JUND: variants seen among roughly 807,000 people sequenced by gnomAD.
JUND encodes the protein transcription factor JunD.
A neutral mutation model predicts 7.1 loss-of-function variants in JUND; 2 were observed. The ratio of observed to expected loss-of-function variants is 0.28; its 90% CI spans 0.11 to 0.88. JUND has a LOEUF of 0.88. Ranked by LOEUF, JUND falls within the 40% of genes least tolerant of loss-of-function variation. JUND has a pLI of 0.60. For synonymous variants in JUND, 335 were observed against 263.2 expected (o/e 1.27, Z -2.64); for missense variants, 479 against 519.1 (o/e 0.92, Z 0.75).
At position 18,279,919 on chromosome 19, in the gene JUND, A is replaced by G. The variant is rs1969901014; in HGVS notation, c.*522T>C. ...GGAGCGAGATCGAGGAAAGGGGCGG[A>G]GAATTTTTTTTTCTTCTTCCCATTT... is the stretch of plus-strand genomic sequence containing the variant. On this transcript the variant is annotated 3_prime_UTR_variant, in exon 1 of 1. Coordinates refer to ENST00000252818, the MANE Select transcript of JUND (RefSeq NM_005354.6). 1 of 154,958 alleles carries G rather than the reference A, an allele frequency of 6.5e-6. No individual in the cohort carries two copies. The highest frequency in any genetic ancestry group is 1.7e-4 in the South Asian group (1 of 5,808). The allele number at this position is 154,958 out of a possible 1,614,324, so 9.6% of individuals were successfully genotyped here.
In JUND at chr19:18,280,718, G is replaced by C; in HGVS notation, c.767C>G (p.Pro256Arg). 6.2e-7 allele frequency: 1 copy of C among 1,610,784 alleles called. No homozygotes were observed. Among genetic ancestry groups the C allele is most frequent in the Non-Finnish European group, 8.5e-7 (1 of 1,179,598 alleles). Residue 256 changes from proline to arginine, a missense_variant, in exon 1 of 1, where the codon CCG becomes CGG. Transcript: ENST00000252818. The surrounding 1 kb of genome is among the most constrained non-coding windows in gnomAD (Gnocchi z 4.1). ...VPDVPSFGES[P>R]PLSPIDMDTQ... is the part of the protein sequence containing the mutation. ...GTCCATGTCGATGGGCGACAACGGCGGGCTCTCGCCGAAGCTCGGCACGTC... is the reference window on the plus strand; with the variant it reads ...GTCCATGTCGATGGGCGACAACGGCCGGCTCTCGCCGAAGCTCGGCACGTC...
Position 18,280,850 on chromosome 19 carries a change from G to A in JUND, c.635C>T (p.Thr212Met). The A allele has an allele frequency of 7.5e-7, 1 of 1,339,826 alleles. No individual in the cohort carries two copies. The highest frequency in any genetic ancestry group is 9.5e-7 in the Non-Finnish European group (1 of 1,056,720). The allele number at this position is 1,339,826 out of a possible 1,614,324, so 83.0% of individuals were successfully genotyped here. A position where few individuals can be genotyped will look rare whatever the true frequency, so the allele number is the denominator to read the frequency against. Residue 212 changes from threonine (T) to methionine (M), a missense_variant, in exon 1 of 1, where the codon ACG (threonine) becomes ATG (methionine). Around this residue, in one of 3 missense-constraint regions of JUND, gnomAD observed 374 missense variants for 365.4 expected, o/e 1.02. Transcript: ENST00000252818. The surrounding 1 kb of genome is among the most constrained non-coding windows in gnomAD (Gnocchi z 4.1). ...GGAGGAGGAA[T>M]VAFAAEPVPF... ...CACAGGTTCGGCAGCGAAGGCGACC[G>A]TCGCGGCGCCCCCCGCGCCCCCGGC...
chr19:18,281,049 C>T lies in JUND; in HGVS notation c.436G>A (p.Asp146Asn), dbSNP rs751981092. The T allele has an allele frequency of 1.2e-5, 19 of 1,529,926 alleles. No homozygotes were observed. Among genetic ancestry groups the T allele is most frequent in the Admixed American group, 7.7e-5 (4 of 52,108 alleles). The allele number at this position is 1,529,926 out of a possible 1,614,324, so 94.8% of individuals were successfully genotyped here. ...FAEGFVKALE[D>N]LHKQNQLGAG... ...CCGAGCTGGTTCTGCTTGTGTAAATCCTCCAGGGCCTTGACGAAGCCCTCG... is the reference window on the plus strand; with the variant it reads ...CCGAGCTGGTTCTGCTTGTGTAAATTCTCCAGGGCCTTGACGAAGCCCTCG... Residue 146 changes from aspartate (D) to asparagine (N), a missense_variant, in exon 1 of 1, where the codon GAT becomes AAT. By Grantham distance (23) the Asp-to-Asn change is conservative. Around this residue, in one of 3 missense-constraint regions of JUND, gnomAD observed 374 missense variants for 365.4 expected, o/e 1.02. Transcript: ENST00000252818.
chr19:18,281,125 GCTC>G lies in JUND; in HGVS notation c.357_359del (p.Ser121del). The G allele has an allele frequency of 3.2e-6, 5 of 1,579,356 alleles. No individual in the cohort carries two copies. The highest frequency in any genetic ancestry group is 4.3e-6 in the Non-Finnish European group (5 of 1,168,640). ...CCACCTTGGGGTAGAGGAACTGTGA[GCTC>G]GTCGGCGTGGTGGTGACCAGCCCGT... On this transcript the variant is annotated inframe_deletion, in exon 1 of 1. Coordinates refer to ENST00000252818, the MANE Select transcript of JUND (RefSeq NM_005354.6).
Position 18,281,306 on chromosome 19 carries a change from G to A in JUND, c.179C>T (p.Ala60Val). The A allele has an allele frequency of 7.2e-7, 1 of 1,380,062 alleles. No homozygotes were observed. Among genetic ancestry groups the A allele is most frequent in the Non-Finnish European group, 9.3e-7 (1 of 1,076,802 alleles). 85.5% of individuals were successfully genotyped at this position (1,380,062 alleles called of 1,614,324 possible). A position where few individuals can be genotyped will look rare whatever the true frequency, so the allele number is the denominator to read the frequency against. Residue 60 changes from alanine to valine, a missense_variant, in exon 1 of 1, where the codon GCA (alanine) becomes GTA (valine). Physicochemically the swap from Ala to Val is moderately conservative, Grantham distance 64 (BLOSUM62 0). Around this residue, in one of 3 missense-constraint regions of JUND, gnomAD observed 374 missense variants for 365.4 expected, o/e 1.02. Transcript: ENST00000252818. Reference sequence around the variant, plus strand: ...CGGCGCGGCCGCAGGCTTGAGCGCTGCCGCCACCTGCTCACTCAGGCTCAG... The same window carrying A: ...CGGCGCGGCCGCAGGCTTGAGCGCTACCGCCACCTGCTCACTCAGGCTCAG... ...LTLSLSEQVAAALKPAAAPPP... is the reference protein window; with the variant it reads ...LTLSLSEQVAVALKPAAAPPP...
At position 18,280,396 on chromosome 19, in the gene JUND, C is replaced by T; in HGVS notation, c.*45G>A. 6.5e-7 allele frequency: 1 copy of T among 1,529,120 alleles called. No homozygotes were observed. Among genetic ancestry groups the T allele is most frequent in the Non-Finnish European group, 8.8e-7 (1 of 1,142,774 alleles). The allele number at this position is 1,529,120 out of a possible 1,614,324, so 94.7% of individuals were successfully genotyped here. ...GCGCCCACGACACCCCCCCGCGAGC[C>T]CGCCCCTTGGGGAGGGTGGCCGCGC... On this transcript the variant is annotated 3_prime_UTR_variant, in exon 1 of 1. Coordinates refer to ENST00000252818, the MANE Select transcript of JUND (RefSeq NM_005354.6). This position sits in a 1 kb window ranked among gnomAD's most constrained non-coding sequence, Gnocchi z 4.1.
Position 18,281,523 on chromosome 19 carries a change from G to T in JUND, c.-39C>A. On this transcript the variant is annotated 5_prime_UTR_variant, in exon 1 of 1. Coordinates refer to ENST00000252818, the MANE Select transcript of JUND (RefSeq NM_005354.6). ...CGCCGCGCCGGCCCGGGGGGGAGTGGCCGCGGCCTCCCGGGGGGCCCGCGC... is the reference window on the plus strand; with the variant it reads ...CGCCGCGCCGGCCCGGGGGGGAGTGTCCGCGGCCTCCCGGGGGGCCCGCGC... 8.7e-7 allele frequency: 1 copy of T among 1,150,474 alleles called. No individual in the cohort carries two copies. The highest frequency in any genetic ancestry group is 1.1e-6 in the Non-Finnish European group (1 of 923,730). 71.3% of individuals were successfully genotyped at this position (1,150,474 alleles called of 1,614,324 possible).
In JUND at chr19:18,280,468, C is replaced by A. The variant is rs768027403; in HGVS notation, c.1017G>T (p.Leu339=). Residue 339 remains leucine, a synonymous_variant, in exon 1 of 1, where the codon CTG becomes CTT. Coordinates refer to ENST00000252818, the MANE Select transcript of JUND (RefSeq NM_005354.6). The surrounding 1 kb of genome is among the most constrained non-coding windows in gnomAD (Gnocchi z 4.1). The stretch of plus-strand genomic sequence containing the variant: ...AGTACGCGGGCACCTGGTGCTGGGG[C>A]AGCAGCTGGCAGCCGCTGTTGACGT... ...LSHVNSGCQL[L]PQHQVPAY is the part of the protein sequence containing the mutation. 24 of 1,568,378 alleles carry A rather than the reference C, an allele frequency of 1.5e-5. No individual in the cohort carries two copies. The Admixed American group carries it at 2.5e-4, about 16-fold the overall frequency.
In JUND at chr19:18,280,960, G is replaced by A. The variant is rs1276642725; in HGVS notation, c.525C>T (p.Gly175=). ...AAGGPSGTAT[G]SAPPGELAPA... is the part of the protein sequence containing the mutation. ...GGGCCAGCTCGCCGGGGGGCGCGGA[G>A]CCCGTGGCCGTGCCCGAGGGCCCCC... is the stretch of plus-strand genomic sequence containing the variant. The change falls in exon 1 of 1, where the codon GGC becomes GGT. Residue 175 remains glycine (G), a synonymous_variant. Coordinates refer to ENST00000252818, the MANE Select transcript of JUND (RefSeq NM_005354.6). This position sits in a 1 kb window ranked among gnomAD's most constrained non-coding sequence, Gnocchi z 4.1. 1 of 1,068,306 alleles carries A rather than the reference G, an allele frequency of 9.4e-7. No homozygotes were observed. The highest frequency in any genetic ancestry group is 7.2e-5 in the East Asian group (1 of 13,880). 66.2% of individuals were successfully genotyped at this position (1,068,306 alleles called of 1,614,324 possible). A position where few individuals can be genotyped will look rare whatever the true frequency, so the allele number is the denominator to read the frequency against.
rs1969920692 is a variant in JUND at position 18,280,373 on chromosome 19, GCCCACGACA to G, written c.*59_*67del. 6.7e-7 allele frequency: 1 copy of G among 1,500,234 alleles called. No homozygotes were observed. Among genetic ancestry groups the G allele is most frequent in the Non-Finnish European group, 8.9e-7 (1 of 1,127,794 alleles). 92.9% of individuals were successfully genotyped at this position (1,500,234 alleles called of 1,614,324 possible). A position where few individuals can be genotyped will look rare whatever the true frequency, so the allele number is the denominator to read the frequency against. On this transcript the variant is annotated 3_prime_UTR_variant, in exon 1 of 1. Transcript: ENST00000252818. This position sits in a 1 kb window ranked among gnomAD's most constrained non-coding sequence, Gnocchi z 4.1. Reference sequence around the variant, plus strand: ...GCCGCACCCTCTCCAAGTCCGGGGCGCCCACGACACCCCCCCGCGAGCCCGCCCCTTGGG... The same window carrying G: ...GCCGCACCCTCTCCAAGTCCGGGGCGCCCCCCCGCGAGCCCGCCCCTTGGG...
In JUND at chr19:18,280,324, ACTC is replaced by A. The variant is rs2148121043; in HGVS notation, c.*114_*116del. 27 of 1,107,856 alleles carry A rather than the reference ACTC, an allele frequency of 2.4e-5. No homozygotes were observed. The highest frequency in any genetic ancestry group is 3.4e-5 in the Non-Finnish European group (27 of 805,316). The allele number at this position is 1,107,856 out of a possible 1,614,324, so 68.6% of individuals were successfully genotyped here. A position where few individuals can be genotyped will look rare whatever the true frequency, so the allele number is the denominator to read the frequency against. ...GCGCCCTCTCTGAGTTCCTGGGCAC[ACTC>A]GGGGAGGGGGGGTCCCCAGGGCCGC... On this transcript the variant is annotated 3_prime_UTR_variant, in exon 1 of 1. Transcript: ENST00000252818. The surrounding 1 kb of genome is among the most constrained non-coding windows in gnomAD (Gnocchi z 4.1).
chr19:18,280,155 C>T lies in JUND; in HGVS notation c.*286G>A, dbSNP rs572706813. 1.9e-5 allele frequency: 7 copies of T among 374,424 alleles called. No individual in the cohort carries two copies. Among genetic ancestry groups the T allele is most frequent in the Non-Finnish European group, 3.4e-5 (7 of 206,052 alleles). 23.2% of individuals were successfully genotyped at this position (374,424 alleles called of 1,614,324 possible). ...GGTGTACAAAGGGGCAGCCGAGACG[C>T]GCGGGTTTGTGCAACACGGGGCGGC... On this transcript the variant is annotated 3_prime_UTR_variant, in exon 1 of 1. Coordinates refer to ENST00000252818, the MANE Select transcript of JUND (RefSeq NM_005354.6). The surrounding 1 kb of genome is among the most constrained non-coding windows in gnomAD (Gnocchi z 4.1).
At position 18,281,041 on chromosome 19, in the gene JUND, G is replaced by C. The variant is rs376840417; in HGVS notation, c.444C>G (p.His148Gln). ...CGCCCGCGCCGAGCTGGTTCTGCTT[G>C]TGTAAATCCTCCAGGGCCTTGACGA... ...EGFVKALEDLHKQNQLGAGAA... is the reference protein window; with the variant it reads ...EGFVKALEDLQKQNQLGAGAA... The change falls in exon 1 of 1, where the codon CAC becomes CAG. Residue 148 changes from histidine to glutamine, a missense_variant. This residue lies in a region of JUND where 374 missense variants were observed against 365.4 expected (regional missense o/e 1.02). Coordinates refer to ENST00000252818, the MANE Select transcript of JUND (RefSeq NM_005354.6). 1 of 1,527,522 alleles carries C rather than the reference G, an allele frequency of 6.5e-7. No individual in the cohort carries two copies. The highest frequency in any genetic ancestry group is 8.8e-7 in the Non-Finnish European group (1 of 1,140,498). The allele number at this position is 1,527,522 out of a possible 1,614,324, so 94.6% of individuals were successfully genotyped here.
rs1359964746 is a variant in JUND at position 18,281,590 on chromosome 19, G to T, written c.-106C>A. On this transcript the variant is annotated 5_prime_UTR_variant, in exon 1 of 1. Transcript: ENST00000252818. ...CCCTGCGCCCGCCCCGGCCGCGGCC[G>T]CAGCGCCCGGCCCTCCACTGGCGGC... 3 of 260,242 alleles carry T rather than the reference G, an allele frequency of 1.2e-5. No homozygotes were observed. In the South Asian group the frequency reaches 4.2e-4, roughly 37 times the overall value. The allele number at this position is 260,242 out of a possible 1,614,324, so 16.1% of individuals were successfully genotyped here. A position where few individuals can be genotyped will look rare whatever the true frequency, so the allele number is the denominator to read the frequency against.
Position 18,281,489 on chromosome 19 carries a change from C to T in JUND, c.-5G>A. On this transcript the variant is annotated 5_prime_UTR_variant, in exon 1 of 1. Coordinates refer to ENST00000252818, the MANE Select transcript of JUND (RefSeq NM_005354.6). ...GCCGTAGAAGGGTGTTTCCATCCTC[C>T]GCCTCCCCCGCCGCGCCGGCCCGGG... 1 of 1,281,846 alleles carries T rather than the reference C, an allele frequency of 7.8e-7. No individual in the cohort carries two copies. Among genetic ancestry groups the T allele is most frequent in the Non-Finnish European group, 9.8e-7 (1 of 1,017,328 alleles). The allele number at this position is 1,281,846 out of a possible 1,614,324, so 79.4% of individuals were successfully genotyped here. A position where few individuals can be genotyped will look rare whatever the true frequency, so the allele number is the denominator to read the frequency against.
rs1969916638 is a variant in JUND, at chr19:18,280,289, C to G, written c.*152G>C. The G allele has an allele frequency of 1.6e-6, 1 of 630,814 alleles. No individual in the cohort carries two copies. The highest frequency in any genetic ancestry group is 2.4e-6 in the Non-Finnish European group (1 of 421,570). The allele number at this position is 630,814 out of a possible 1,614,324, so 39.1% of individuals were successfully genotyped here. ...TGGGCACCCTCGGGGGGGGGGAATC[C>G]CCGGGGGCCGCGCCCTCTCTGAGTT... On this transcript the variant is annotated 3_prime_UTR_variant, in exon 1 of 1. Transcript: ENST00000252818. This position sits in a 1 kb window ranked among gnomAD's most constrained non-coding sequence, Gnocchi z 4.1.
In JUND at chr19:18,280,923, C is replaced by G; in HGVS notation, c.562G>C (p.Ala188Pro). 1 of 1,147,558 alleles carries G rather than the reference C, an allele frequency of 8.7e-7. No homozygotes were observed. The highest frequency in any genetic ancestry group is 1.1e-6 in the Non-Finnish European group (1 of 935,976). The allele number at this position is 1,147,558 out of a possible 1,614,324, so 71.1% of individuals were successfully genotyped here. A position where few individuals can be genotyped will look rare whatever the true frequency, so the allele number is the denominator to read the frequency against. ...PPGELAPAAA[A>P]PEAPVYANLS... ...TTCGCGTAGACAGGCGCTTCGGGCG[C>G]GGCCGCCGCCGGGGCCAGCTCGCCG... The change falls in exon 1 of 1, where the codon GCG becomes CCG. Residue 188 changes from alanine (A) to proline (P), a missense_variant. Ala to Pro is a conservative substitution (Grantham distance 27, BLOSUM62 -1). Around this residue, in one of 3 missense-constraint regions of JUND, gnomAD observed 374 missense variants for 365.4 expected, o/e 1.02. Coordinates refer to ENST00000252818, the MANE Select transcript of JUND (RefSeq NM_005354.6). This position sits in a 1 kb window ranked among gnomAD's most constrained non-coding sequence, Gnocchi z 4.1.
In JUND at chr19:18,280,642, G is replaced by A. The variant is rs750391345; in HGVS notation, c.843C>T (p.Ala281=). The A allele has an allele frequency of 6.2e-7, 1 of 1,612,746 alleles. No homozygotes were observed. The highest frequency in any genetic ancestry group is 8.5e-7 in the Non-Finnish European group (1 of 1,179,768). ...AERKRLRNRI[A]ASKCRKRKLE... Reference sequence around the variant, plus strand: ...GCTTGCGCTTGCGGCACTTGGAGGCGGCGATGCGGTTGCGCAGCCGCTTGC... The same window carrying A: ...GCTTGCGCTTGCGGCACTTGGAGGCAGCGATGCGGTTGCGCAGCCGCTTGC... The change falls in exon 1 of 1, where the codon GCC becomes GCT. Residue 281 remains alanine, a synonymous_variant. Transcript: ENST00000252818. This position sits in a 1 kb window ranked among gnomAD's most constrained non-coding sequence, Gnocchi z 4.1.
chr19:18,280,437 G>T lies in JUND; in HGVS notation c.*4C>A. 1 of 1,549,552 alleles carries T rather than the reference G, an allele frequency of 6.5e-7. No individual in the cohort carries two copies. The highest frequency in any genetic ancestry group is 8.7e-7 in the Non-Finnish European group (1 of 1,148,210). ...GTGGCCGCGCATGCGCCCCGCGCGC[G>T]GACTCAGTACGCGGGCACCTGGTGC... On this transcript the variant is annotated 3_prime_UTR_variant, in exon 1 of 1. Transcript: ENST00000252818. This position sits in a 1 kb window ranked among gnomAD's most constrained non-coding sequence, Gnocchi z 4.1.
Sources: gnomAD v4.1 joint callset for allele counts on GRCh38, gnomAD v4.1.1 for gene constraint, gnomAD v4.1.1 regional missense constraint, Gnocchi (gnomAD v3.1) non-coding constraint, MANE v1.5 for transcripts, NCBI Gene and HGNC (gene_info 2026-07-23, HGNC 2026-07-21) for gene names.